The following RBFOX3 variants were observed in gnomAD, a reference collection of about 807,000 sequenced individuals.
RBFOX3 encodes the protein RNA binding fox-1 homolog 3.
In RBFOX3, 17 loss-of-function variants were observed where a neutral mutation model predicts 48.7. The observed-to-expected ratio is 0.35, with a 90% CI of 0.24 to 0.52. The LOEUF is 0.52. RBFOX3 is among the 20% of genes least tolerant of loss of function. RBFOX3 has a pLI of 0.94. For missense variants in RBFOX3, 382 were observed against 497.5 expected (o/e 0.77, Z 2.21); for synonymous variants, 212 against 209.5 (o/e 1.01, Z -0.10).
intron 1 of RBFOX3, among the ~76,000 whole-genome samples, chr17:79,551,757 C>T (rs901769479): frequency 4.8e-4 from 73 of 152,300 alleles, no homozygotes; most frequent in African/African-American, 1.6e-3. Flanking sequence ...CTTGCTTCCT[C>T]TCTCACCATG....
chr17:79,610,365 C>T, intron 1 of RBFOX3, among the ~76,000 whole-genome samples: 1 of 152,010 alleles, frequency 6.6e-6, no homozygotes, highest in Non-Finnish European at 1.5e-5. Context: ...CTCGGACGCG[C>T]CCCGCGGGGC....
chr17:79,186,750 C>T (rs1001634052), intron 4 of RBFOX3, among the ~76,000 whole-genome samples: 1 of 152,374 alleles, frequency 6.6e-6, no homozygotes, highest in African/African-American at 2.4e-5. Flanking sequence ...CAGGCAGGAA[C>T]TGAGCTGTAA....
chr17:79,304,441 GTA>G (rs34975610), intron 3 of RBFOX3, among the ~76,000 whole-genome samples: 2 of 148,664 alleles, frequency 1.3e-5, no homozygotes, highest in African/African-American at 2.5e-5. Flanking sequence ...ATATATATGT[GTA>G]TATATATATA....
At chr17:79,425,831 A>T (rs1465761761) in intron 2 of RBFOX3, among the ~76,000 whole-genome samples, 1 of 151,538 alleles carries the variant, frequency 6.6e-6, no homozygotes, top group African/African-American at 2.4e-5. Context: ...GGAGGAGAGG[A>T]TGGGGGGAGG....
intron 2 of RBFOX3, among the ~76,000 whole-genome samples, chr17:79,474,103 A>G (rs2077385333): frequency 6.6e-6 from 1 of 151,590 alleles, no homozygotes. Context: ...CCTCTGAGGA[A>G]TGCACGTGTC....
At chr17:79,131,448 G>A (rs1048848520) in intron 4 of RBFOX3, among the ~76,000 whole-genome samples, 5 of 152,176 alleles carry the variant, frequency 3.3e-5, no homozygotes, top group Admixed American at 1.3e-4. Flanking sequence ...CAAACCCCAC[G>A]GCGTGAGCCC....
At chr17:79,609,850 C>A (rs1730672044) in intron 1 of RBFOX3, among the ~76,000 whole-genome samples, 5 of 152,044 alleles carry the variant, frequency 3.3e-5, no homozygotes, top group Admixed American at 1.3e-4. Flanking sequence ...CCTCGCGCCA[C>A]CCCGAGACGC....
intron 4 of RBFOX3, among the ~76,000 whole-genome samples, chr17:79,211,530 G>A (rs760844766): frequency 1.1e-4 from 16 of 152,214 alleles, no homozygotes; most frequent in African/African-American, 1.7e-4. Context: ...ACGCTGGCGT[G>A]CAGTTAACAG....
At chr17:79,543,694 C>G in intron 1 of RBFOX3, among the ~76,000 whole-genome samples, 1 of 152,324 alleles carries the variant, frequency 6.6e-6, no homozygotes, top group Non-Finnish European at 1.5e-5. Flanking sequence ...ATGCTGGGCA[C>G]GTTCCAACCC....
intron 4 of RBFOX3, among the ~76,000 whole-genome samples, chr17:79,156,953 G>C (rs530571716): frequency 9.9e-5 from 15 of 152,280 alleles, no homozygotes; most frequent in African/African-American, 3.6e-4. Flanking sequence ...GGGTGAGAAT[G>C]AATTTCATCC....
chr17:79,372,563 C>G (rs528930299), intron 2 of RBFOX3, among the ~76,000 whole-genome samples: 2 of 151,956 alleles, frequency 1.3e-5, no homozygotes, highest in African/African-American at 4.8e-5. Context: ...CATTCTAAAT[C>G]CCCCCCAGAT....
Position 79,491,745 on chromosome 17 carries a change from C to T in RBFOX3, c.-319-9147G>A, listed in dbSNP as rs868933336. On this transcript the variant is annotated intron_variant, in intron 1 of 14. Coordinates refer to ENST00000693108, the MANE Select transcript of RBFOX3 (RefSeq NM_001350451.2). ...TGGTGTCATTTATCGCATTATTACC[C>T]ACAGTCTACTCTGCTATTCCTTACA... Among the ~76,000 whole-genome samples, 1,175 of 152,226 alleles carry T rather than the reference C, an allele frequency of 7.7e-3. 11 individuals carry two copies. Among genetic ancestry groups the T allele is most frequent in the African/African-American group, 0.026 (1,087 of 41,516 alleles).
At position 79,228,400 on chromosome 17, in the gene RBFOX3, A is replaced by G. The variant is rs114684669; in HGVS notation, c.-34+7366T>C. 2.6e-3 allele frequency among the ~76,000 whole-genome samples: 393 copies of G among 152,314 alleles called. 3 individuals are homozygous for G. Among genetic ancestry groups the G allele is most frequent in the African/African-American group, 7.5e-3 (310 of 41,564 alleles). ...ACACGCCCGGACAAGCCTCCTCTCCAGCTGTAATTAATACTCTGGGGAAAA... is the reference window on the plus strand; with the variant it reads ...ACACGCCCGGACAAGCCTCCTCTCCGGCTGTAATTAATACTCTGGGGAAAA... On this transcript the variant is annotated intron_variant, in intron 4 of 14. Transcript: ENST00000693108.
chr17:79,277,708 G>T (rs570441926), intron 3 of RBFOX3, among the ~76,000 whole-genome samples: 5 of 152,324 alleles, frequency 3.3e-5, no homozygotes, highest in African/African-American at 1.2e-4. Context: ...GCGGGTGGAG[G>T]CTTGGAAGGA....
chr17:79,477,965 G>A lies in RBFOX3; in HGVS notation c.-175+4489C>T, dbSNP rs374344445. Among the ~76,000 whole-genome samples, 152 of 152,200 alleles carry A rather than the reference G, an allele frequency of 1.0e-3. 2 individuals carry two copies. In the South Asian group the frequency reaches 0.021, roughly 21 times the overall value. On this transcript the variant is annotated intron_variant, in intron 2 of 14. Transcript: ENST00000693108. The surrounding 1 kb of genome is among the most constrained non-coding windows in gnomAD (Gnocchi z 4.8). ...TGTTCCACCCAGGAGCACCTAGGACGAGCTCCTGCAAAAGGAATGCATTCA... is the reference window on the plus strand; with the variant it reads ...TGTTCCACCCAGGAGCACCTAGGACAAGCTCCTGCAAAAGGAATGCATTCA...
intron 4 of RBFOX3, among the ~76,000 whole-genome samples, chr17:79,131,036 GC>G (rs945646181): frequency 6.6e-6 from 1 of 151,914 alleles, no homozygotes; most frequent in Non-Finnish European, 1.5e-5. Flanking sequence ...TGTGTGCTGT[GC>G]CCCCATGTAC....
upstream of RBFOX3, among the ~76,000 whole-genome samples, chr17:79,611,195 C>CCGCCCTCCT: frequency 7.5e-6 from 1 of 132,568 alleles, no homozygotes; most frequent in Non-Finnish European, 1.6e-5. Flanking sequence ...CTCTCTCTCT[C>CCGCCCTCCT]TCTCTCTCTC....
the RBFOX3 span, among the ~76,000 whole-genome samples, chr17:79,648,238 C>G: frequency 6.6e-6 from 1 of 152,154 alleles, no homozygotes. Context: ...CTGCTCATGG[C>G]CAGCATGGGA....
intron 4 of RBFOX3, among the ~76,000 whole-genome samples, chr17:79,210,196 G>T (rs1567846780): frequency 6.6e-6 from 1 of 152,182 alleles, no homozygotes; most frequent in Non-Finnish European, 1.5e-5. Flanking sequence ...ACCCGGTTAG[G>T]GCAATGGGCA....
Sources: gnomAD v4.1 joint callset for allele counts (sites outside exome capture counted in the v4.1 genomes callset) on GRCh38, gnomAD v4.1.1 for gene constraint, Gnocchi (gnomAD v3.1) non-coding constraint, MANE v1.5 for transcripts, NCBI Gene and HGNC (gene_info 2026-07-23, HGNC 2026-07-21) for gene names.